Variants in FLOT2 observed in about 807,000 individuals in gnomAD.
FLOT2 encodes the protein flotillin-2.
Under a neutral mutation model 54.9 loss-of-function variants are expected in FLOT2, and 35 were observed. The ratio of observed to expected loss-of-function variants is 0.64; its 90% confidence interval spans 0.49 to 0.84. The LOEUF (loss-of-function observed/expected upper bound fraction) is 0.84, where lower values mean the gene tolerates loss of function less well. Ranked by LOEUF, FLOT2 falls within the 40% of genes least tolerant of loss-of-function variation. FLOT2 has a pLI of 0.00. For synonymous variants in FLOT2, 207 were observed against 228.9 expected (o/e 0.90, Z 0.86); for missense variants, 464 against 572.1 (o/e 0.81, Z 1.93).
intron 8 of FLOT2, 175 bp downstream of exon 8, chr17:28,881,639 C>T (rs1598088292): frequency 1.5e-6 from 1 of 671,432 alleles, no homozygotes; most frequent in South Asian, 1.9e-5. Flanking sequence ...TCTATTTAGT[C>T]TTCCCAACAG....
In FLOT2 at chr17:28,881,348, T is replaced by C; in HGVS notation, c.942A>G (p.Ala314=). The change falls in exon 9 of 11, where the codon GCA becomes GCG. Residue 314 remains alanine (A), a synonymous_variant. Transcript: ENST00000394908. ...CGATTTTGCGGATCTTCTCAGCCTC[T>C]GCCTGTGCCAAGAGGACCTGCTTCA... ...EKVKQVLLAQ[A]EAEKIRKIGE... 1 of 1,613,118 alleles carries C rather than the reference T, an allele frequency of 6.2e-7. No individual in the cohort carries two copies. Among genetic ancestry groups the C allele is most frequent in the Non-Finnish European group, 8.5e-7 (1 of 1,180,034 alleles).
chr17:28,884,431 G>A lies in FLOT2; in HGVS notation c.132-116C>T, dbSNP rs1279217638. ...GGTCCTGGTGAGGAAGGTGGAGGGA[G>A]GACTCTCCACGGGGCTGAGATGGGA... On this transcript the variant is annotated intron_variant, in intron 2 of 10. Coordinates refer to ENST00000394908, the MANE Select transcript of FLOT2 (RefSeq NM_004475.3). The surrounding 1 kb of genome is among the most constrained non-coding windows in gnomAD (Gnocchi z 5.1). The A allele has an allele frequency of 1.4e-5, 9 of 654,292 alleles. No individual in the cohort carries two copies. The highest frequency in any genetic ancestry group is 2.4e-5 in the Non-Finnish European group (9 of 371,252). 40.5% of individuals were successfully genotyped at this position (654,292 alleles called of 1,614,324 possible). A position where few individuals can be genotyped will look rare whatever the true frequency, so the allele number is the denominator to read the frequency against.
rs1200426351 is a variant in FLOT2 at position 28,880,535 on chromosome 17, C to G, written c.*26G>C. On this transcript the variant is annotated 3_prime_UTR_variant, in exon 11 of 11. Transcript: ENST00000394908. The stretch of plus-strand genomic sequence containing the variant: ...TGCTGGAGGGAGGGCCGGGTGGCTG[C>G]TGAAGAGAGTGGGCCTGCAGGAGCC... The G allele has an allele frequency of 5.0e-6, 8 of 1,611,192 alleles. No individual in the cohort carries two copies. The highest frequency in any genetic ancestry group is 6.8e-6 in the Non-Finnish European group (8 of 1,178,598).
intron 9 of FLOT2, 78 bp from the exon 10 acceptor site, chr17:28,880,940 T>C: frequency 6.4e-7 from 1 of 1,552,170 alleles, no homozygotes; most frequent in Non-Finnish European, 8.8e-7. Context: ...CTCCCTCCCT[T>C]CCTTAACTCA....
chr17:28,894,235 C>T (rs1293273347), intron 1 of FLOT2, among the ~76,000 whole-genome samples: 1 of 152,152 alleles, frequency 6.6e-6, no homozygotes, highest in African/African-American at 2.4e-5. Flanking sequence ...GACTGTAATT[C>T]CAGCACTTTG....
At chr17:28,888,818 A>G (rs1319649928) in intron 2 of FLOT2, 127 bp downstream of exon 2, 5 of 288,070 alleles carry the variant, frequency 1.7e-5, no homozygotes, top group Admixed American at 4.1e-5. Context: ...CCACCCCTCC[A>G]CCGCCAGAAT....
At position 28,881,382 on chromosome 17, in the gene FLOT2, G is replaced by A. The variant is rs1376479478; in HGVS notation, c.915-7C>T. 8.7e-6 allele frequency: 14 copies of A among 1,609,358 alleles called. No homozygotes were observed. The highest frequency in any genetic ancestry group is 1.1e-5 in the Non-Finnish European group (13 of 1,179,816). ...CAAGAGGACCTGCTTCACCCTGGGG[G>A]AGCCCAGGCCAGTTAGGATCAGTGG... On this transcript the variant is annotated splice_polypyrimidine_tract_variant and splice_region_variant and intron_variant, in intron 8 of 10. Coordinates refer to ENST00000394908, the MANE Select transcript of FLOT2 (RefSeq NM_004475.3).
At position 28,879,831 on chromosome 17, in the gene FLOT2, G is replaced by C. The variant is rs59879478; in HGVS notation, c.*730C>G. Reference sequence around the variant, plus strand: ...ACCGCCCCAGCAGGAACATGCCCATGAAGAGGCCTTCCCTGAGCACAAGCA... The same window carrying C: ...ACCGCCCCAGCAGGAACATGCCCATCAAGAGGCCTTCCCTGAGCACAAGCA... On this transcript the variant is annotated 3_prime_UTR_variant, in exon 11 of 11. Transcript: ENST00000394908. The C allele has an allele frequency of 3.2e-3, 3,200 of 986,084 alleles. 69 individuals are homozygous for C. The African/African-American group carries it at 0.05, about 16-fold the overall frequency. The allele number at this position is 986,084 out of a possible 1,614,324, so 61.1% of individuals were successfully genotyped here. A position where few individuals can be genotyped will look rare whatever the true frequency, so the allele number is the denominator to read the frequency against.
At chr17:28,885,046 G>A (rs1186266140) in intron 2 of FLOT2, among the ~76,000 whole-genome samples, 1 of 152,220 alleles carries the variant, frequency 6.6e-6, no homozygotes, top group Non-Finnish European at 1.5e-5. Flanking sequence ...AGGGTCCACA[G>A]TCACCCACTT....
rs1182543110 is a variant in FLOT2, at chr17:28,883,706, C to T, written c.223-475G>A. ...TTGAGTTACTCAGCCAACCCCTCGC[C>T]GAGGCCTACAGCATGGCTGAACCTC... On this transcript the variant is annotated intron_variant, in intron 3 of 10. Coordinates refer to ENST00000394908, the MANE Select transcript of FLOT2 (RefSeq NM_004475.3). The surrounding 1 kb of genome is among the most constrained non-coding windows in gnomAD (Gnocchi z 5.0). Among the ~76,000 whole-genome samples the T allele has an allele frequency of 6.6e-6, 1 of 152,306 alleles. No individual in the cohort carries two copies. The highest frequency in any genetic ancestry group is 6.5e-5 in the Admixed American group (1 of 15,304).
In FLOT2 at chr17:28,879,896, T is replaced by G; in HGVS notation, c.*665A>C. On this transcript the variant is annotated 3_prime_UTR_variant, in exon 11 of 11. Coordinates refer to ENST00000394908, the MANE Select transcript of FLOT2 (RefSeq NM_004475.3). ...CAGTAGGAAACTGAGGAAGCTGCTG[T>G]AGACAGGAGGCCTTGCCTCTGTGCC... 2.0e-6 allele frequency: 2 copies of G among 986,100 alleles called. No individual in the cohort carries two copies. The highest frequency in any genetic ancestry group is 2.4e-6 in the Non-Finnish European group (2 of 830,174). The allele number at this position is 986,100 out of a possible 1,614,324, so 61.1% of individuals were successfully genotyped here.
intron 2 of FLOT2, among the ~76,000 whole-genome samples, chr17:28,887,035 G>T (rs376530519): frequency 1.3e-5 from 2 of 152,258 alleles, no homozygotes; most frequent in East Asian, 3.9e-4. Context: ...AGGGAGGAAG[G>T]GTAGTGGGGA....
intron 1 of FLOT2, among the ~76,000 whole-genome samples, chr17:28,891,764 CAAT>C (rs1465715728): frequency 3.9e-5 from 6 of 152,044 alleles, no homozygotes; most frequent in South Asian, 4.2e-4. Context: ...GTGTTGAGGA[CAAT>C]AATAGAAACA....
At chr17:28,890,994 C>T (rs1236989307) in intron 1 of FLOT2, among the ~76,000 whole-genome samples, 2 of 151,978 alleles carry the variant, frequency 1.3e-5, no homozygotes, top group South Asian at 2.1e-4. Flanking sequence ...CATCCTCCCA[C>T]CTTAGCTTCT....
chr17:28,896,474 G>A (rs1053987736), intron 1 of FLOT2, among the ~76,000 whole-genome samples: 3 of 152,140 alleles, frequency 2.0e-5, no homozygotes, highest in African/African-American at 7.2e-5. Context: ...GTCTTCAGGG[G>A]GGTAGGGTAC....
Position 28,884,109 on chromosome 17 carries a change from G to T in FLOT2, c.222+116C>A. On this transcript the variant is annotated intron_variant, in intron 3 of 10. Transcript: ENST00000394908. The surrounding 1 kb of genome is among the most constrained non-coding windows in gnomAD (Gnocchi z 5.1). ...AGCCCTCTCTTGTGGGACTTGCGGG[G>T]GCTGGGGTGCTGGAGAGAGACTGCC... 1 of 800,786 alleles carries T rather than the reference G, an allele frequency of 1.2e-6. No homozygotes were observed. The highest frequency in any genetic ancestry group is 2.2e-6 in the Non-Finnish European group (1 of 462,718). The allele number at this position is 800,786 out of a possible 1,614,324, so 49.6% of individuals were successfully genotyped here.
intron 9 of FLOT2, 64 bp from the exon 10 acceptor site, chr17:28,880,926 A>ATC: frequency 2.5e-6 from 4 of 1,584,450 alleles, no homozygotes; most frequent in Non-Finnish European, 3.5e-6. Flanking sequence ...CCGGTCCAGC[A>ATC]TCTCTCCCTC....
chr17:28,895,665 A>C (rs1267112316), intron 1 of FLOT2, among the ~76,000 whole-genome samples: 1 of 152,132 alleles, frequency 6.6e-6, no homozygotes, highest in Admixed American at 6.5e-5. Flanking sequence ...GAAAACACTA[A>C]ATTTCAGTTA....
At chr17:28,888,220 G>A (rs751977147) in intron 2 of FLOT2, among the ~76,000 whole-genome samples, 15 of 152,354 alleles carry the variant, frequency 9.8e-5, no homozygotes, top group East Asian at 1.9e-4. Context: ...GGTAGCTGGC[G>A]TGCCTCATCT....
Sources: allele counts gnomAD v4.1 joint callset (sites outside exome capture counted in the v4.1 genomes callset), GRCh38; gene constraint gnomAD v4.1.1; non-coding constraint Gnocchi (gnomAD v3.1); transcripts MANE v1.5; gene names NCBI Gene and HGNC (gene_info 2026-07-23, HGNC 2026-07-21).